Variants in ARHGEF12 observed in about 807,000 individuals in gnomAD.
ARHGEF12 encodes Rho guanine nucleotide exchange factor 12, also known as KMT2A/ARHGEF12 fusion protein.
ARHGEF12 carries 66 observed loss-of-function variants against 211.2 expected under a neutral mutation model. The ratio of observed to expected loss-of-function variants is 0.31; its 90% CI spans 0.26 to 0.38. The LOEUF (loss-of-function observed/expected upper bound fraction) is 0.38. Among genes scored for constraint, ARHGEF12 ranks in the 10% least tolerant of loss-of-function variants. The pLI is 1.00. For synonymous variants in ARHGEF12, 592 were observed against 638.4 expected, an observed-to-expected ratio of 0.93 and a Z score of 1.09; for missense variants, 1,429 against 1,869.5, an observed-to-expected ratio of 0.76 and a Z score of 4.34.
At chr11:120,363,244 A>G (rs919780641) in intron 1 of ARHGEF12, among the ~76,000 whole-genome samples, 2 of 152,246 alleles carry the variant, frequency 1.3e-5, no homozygotes, top group Non-Finnish European at 2.9e-5. Context: ...ATTCTTTTCC[A>G]TTAAATGACC....
At chr11:120,437,729 A>G (rs1246104080) in intron 12 of ARHGEF12, among the ~76,000 whole-genome samples, 1 of 152,122 alleles carries the variant, frequency 6.6e-6, no homozygotes, top group Non-Finnish European at 1.5e-5. Flanking sequence ...CTAAGTCTAC[A>G]TTTCCCCCTT....
intron 31 of ARHGEF12, among the ~76,000 whole-genome samples, chr11:120,473,660 T>G (rs976929014): frequency 2.6e-5 from 4 of 152,234 alleles, no homozygotes; most frequent in Non-Finnish European, 5.9e-5. Flanking sequence ...CCTCCCACAG[T>G]GCAGGGATTA....
At chr11:120,379,613 A>C (rs762204392) in intron 1 of ARHGEF12, among the ~76,000 whole-genome samples, 7 of 151,930 alleles carry the variant, frequency 4.6e-5, no homozygotes, top group Middle Eastern at 3.4e-3. Context: ...GAATTTAGTC[A>C]TATGCTGTTT....
intron 30 of ARHGEF12, among the ~76,000 whole-genome samples, chr11:120,470,178 T>G (rs921726399): frequency 6.6e-6 from 1 of 152,164 alleles, no homozygotes; most frequent in African/African-American, 2.4e-5. Context: ...CATAGACAAG[T>G]AAGAATATAG....
At chr11:120,401,275 C>T (rs774778304) in intron 1 of ARHGEF12, among the ~76,000 whole-genome samples, 1 of 152,072 alleles carries the variant, frequency 6.6e-6, no homozygotes, top group Non-Finnish European at 1.5e-5. Flanking sequence ...GCGAGGTAAG[C>T]GAGTGGTCAC....
rs942665810 is a variant in ARHGEF12, at chr11:120,401,291, A to G, written c.33-4827A>G. On this transcript the variant is annotated intron_variant, in intron 1 of 40. Coordinates refer to ENST00000397843, the MANE Select transcript of ARHGEF12 (RefSeq NM_015313.3). ...CGAGGTAAGCGAGTGGTCACTTAAT[A>G]CTTTTGGTTCTGTGAATCTTACTGT... Among the ~76,000 whole-genome samples, 3 of 152,298 alleles carry G rather than the reference A, an allele frequency of 2.0e-5. No homozygotes were observed. The South Asian group carries it at 6.2e-4, about 32-fold the overall frequency.
At chr11:120,478,444 C>G in intron 37 of ARHGEF12, 55 bp downstream of exon 37, 5 of 1,430,210 alleles carry the variant, frequency 3.5e-6, no homozygotes, top group Non-Finnish European at 4.9e-6. Flanking sequence ...CACTCATGTG[C>G]CATCCCTAAA....
At position 120,486,772 on chromosome 11, in the gene ARHGEF12, A is replaced by G. The variant is rs562056625; in HGVS notation, c.*1695A>G. The stretch of plus-strand genomic sequence containing the variant: ...ACCTACTTTTATAAACACCACTGCA[A>G]CTTAACAAGTTTATTTATCTATGTC... On this transcript the variant is annotated 3_prime_UTR_variant, in exon 41 of 41. Transcript: ENST00000397843. The G allele has an allele frequency of 1.6e-4, 34 of 218,428 alleles. No homozygotes were observed. The highest frequency in any genetic ancestry group is 6.9e-4 in the African/African-American group (31 of 44,692). 13.5% of individuals were successfully genotyped at this position (218,428 alleles called of 1,614,324 possible).
chr11:120,434,340 G>T (rs899046138), intron 11 of ARHGEF12, among the ~76,000 whole-genome samples: 1 of 152,170 alleles, frequency 6.6e-6, no homozygotes, highest in Admixed American at 6.5e-5. Context: ...CATAGATGAG[G>T]AAACTGAGGC....
At chr11:120,462,113 A>G (rs982619768) in intron 27 of ARHGEF12, among the ~76,000 whole-genome samples, 1 of 152,230 alleles carries the variant, frequency 6.6e-6, no homozygotes, top group Non-Finnish European at 1.5e-5. Context: ...AGCTTTTGAC[A>G]TGCCTTCCTT....
intron 16 of ARHGEF12, 133 bp from the exon 17 acceptor site, chr11:120,446,270 T>TA (rs1257739183): frequency 3.0e-6 from 1 of 332,912 alleles, no homozygotes; most frequent in East Asian, 5.0e-5. Context: ...TGGGATGAAA[T>TA]ATACGAACTG....
chr11:120,379,112 T>TC (rs1943809307), intron 1 of ARHGEF12, among the ~76,000 whole-genome samples: 2 of 152,198 alleles, frequency 1.3e-5, no homozygotes, highest in Non-Finnish European at 2.9e-5. Flanking sequence ...TTTAGTAGTC[T>TC]TCTTTAATTT....
chr11:120,466,440 G>T (rs1228045676), intron 28 of ARHGEF12, among the ~76,000 whole-genome samples: 1 of 152,152 alleles, frequency 6.6e-6, no homozygotes, highest in African/African-American at 2.4e-5. Flanking sequence ...TGTTTTAAAG[G>T]CTCCTCTAAT....
At chr11:120,386,083 C>G (rs1944022364) in intron 1 of ARHGEF12, among the ~76,000 whole-genome samples, 1 of 152,074 alleles carries the variant, frequency 6.6e-6, no homozygotes, top group South Asian at 2.1e-4. Context: ...ATCTTATCAA[C>G]TTGAATTATT....
Position 120,442,215 on chromosome 11 carries a change from G to C in ARHGEF12, c.1302+13G>C, listed in dbSNP as rs976197826. The C allele has an allele frequency of 6.3e-7, 1 of 1,577,828 alleles. No individual in the cohort carries two copies. Among genetic ancestry groups the C allele is most frequent in the African/African-American group, 1.4e-5 (1 of 73,854 alleles). ...AGATCGATCAGCAGTAAGTTGCCAA[G>C]TTAATGTTGTAATCTTTGCCTTAGT... On this transcript the variant is annotated intron_variant, in intron 15 of 40. Transcript: ENST00000397843.
rs1947409169 is a variant in ARHGEF12, at chr11:120,486,841, G to T, written c.*1764G>T. 1 of 214,506 alleles carries T rather than the reference G, an allele frequency of 4.7e-6. No individual in the cohort carries two copies. The highest frequency in any genetic ancestry group is 9.4e-6 in the Non-Finnish European group (1 of 106,218). 13.3% of individuals were successfully genotyped at this position (214,506 alleles called of 1,614,324 possible). Reference sequence around the variant, plus strand: ...CTAAATTGATCTGTGTTTTTAGGTGGATCAACTTGGATCTTTAGACCTCAT... The same window carrying T: ...CTAAATTGATCTGTGTTTTTAGGTGTATCAACTTGGATCTTTAGACCTCAT... On this transcript the variant is annotated 3_prime_UTR_variant, in exon 41 of 41. Coordinates refer to ENST00000397843, the MANE Select transcript of ARHGEF12 (RefSeq NM_015313.3).
intron 30 of ARHGEF12, among the ~76,000 whole-genome samples, chr11:120,470,927 A>G (rs1255865012): frequency 6.6e-6 from 1 of 152,184 alleles, no homozygotes; most frequent in Non-Finnish European, 1.5e-5. Context: ...GAGAGATTAT[A>G]TGGCCTGCAA....
At position 120,428,453 on chromosome 11, in the gene ARHGEF12, A is replaced by G. The variant is rs1196864288; in HGVS notation, c.585+206A>G. On this transcript the variant is annotated intron_variant, in intron 8 of 40. Coordinates refer to ENST00000397843, the MANE Select transcript of ARHGEF12 (RefSeq NM_015313.3). ...TTAACAAGTATTAGACACCTGCCAT[A>G]TGTAAAACAGTGTGCCACCCACAGA... is the stretch of plus-strand genomic sequence containing the variant. Among the ~76,000 whole-genome samples the G allele has an allele frequency of 2.0e-5, 3 of 152,242 alleles. No homozygotes were observed. The South Asian group carries it at 6.2e-4, about 32-fold the overall frequency.
At chr11:120,477,006 C>T (rs10892582) in intron 34 of ARHGEF12, 240,108 of 589,938 alleles carry the variant, frequency 0.41, 50,099 homozygotes, top group African/African-American at 0.51. Flanking sequence ...CCATAGATTT[C>T]TCTTAAGGTA....
Sources: allele counts gnomAD v4.1 joint callset (sites outside exome capture counted in the v4.1 genomes callset), GRCh38; gene constraint gnomAD v4.1.1; transcripts MANE v1.5; gene names NCBI Gene and HGNC (gene_info 2026-07-23, HGNC 2026-07-21).